Variants in SLCO3A1 observed in about 807,000 individuals in gnomAD.
SLCO3A1 encodes the protein PGE1 transporter.
A neutral mutation model predicts 63.1 loss-of-function variants in SLCO3A1; 27 were observed. The ratio of observed to expected loss-of-function variants is 0.43; its 90% CI spans 0.32 to 0.59. The LOEUF (loss-of-function observed/expected upper bound fraction) is 0.59, where lower values mean the gene tolerates loss of function less well. Among genes scored for constraint, SLCO3A1 ranks in the 20% least tolerant of loss-of-function variants. The pLI, the probability that SLCO3A1 is intolerant of heterozygous loss-of-function variation, is 0.09. For synonymous variants in SLCO3A1, 473 were observed against 409.9 expected (o/e 1.15, Z -1.86); for missense variants, 773 against 945.8 (o/e 0.82, Z 2.40).
At chr15:91,868,888 CA>C (rs1404880575) in intron 1 of SLCO3A1, among the ~76,000 whole-genome samples, 1 of 152,170 alleles carries the variant, frequency 6.6e-6, no homozygotes, top group African/African-American at 2.4e-5. Flanking sequence ...TTTTCTGTAA[CA>C]TCAGATGTTC....
intron 2 of SLCO3A1, among the ~76,000 whole-genome samples, chr15:92,070,151 G>A (rs905650987): frequency 1.2e-4 from 19 of 152,280 alleles, no homozygotes; most frequent in Admixed American, 1.0e-3. Flanking sequence ...AATCACTCAC[G>A]CTCTCTGAGC....
At chr15:91,858,143 C>T (rs1462445481) in intron 1 of SLCO3A1, among the ~76,000 whole-genome samples, 2 of 151,780 alleles carry the variant, frequency 1.3e-5, no homozygotes, top group Non-Finnish European at 2.9e-5. Flanking sequence ...AACATCATTT[C>T]GAAGATGAGT....
chr15:91,978,856 A>C (rs1028364596), intron 2 of SLCO3A1, among the ~76,000 whole-genome samples: 1 of 152,256 alleles, frequency 6.6e-6, no homozygotes, highest in African/African-American at 2.4e-5. Flanking sequence ...CCACGGGCCA[A>C]ATCCTATTGA....
In SLCO3A1 at chr15:92,164,992, G is replaced by C. The variant is rs368682595; in HGVS notation, c.*1857G>C. The C allele has an allele frequency of 1.4e-5, 14 of 985,176 alleles. No homozygotes were observed. In the East Asian group the frequency reaches 4.5e-4, roughly 32 times the overall value. 61.0% of individuals were successfully genotyped at this position (985,176 alleles called of 1,614,324 possible). On this transcript the variant is annotated 3_prime_UTR_variant, in exon 10 of 10. Transcript: ENST00000318445. Reference sequence around the variant, plus strand: ...GTTGATTGGTTTGCTTTTTCACCTTGGACACATTTGCATTTTACCCACAAG... The same window carrying C: ...GTTGATTGGTTTGCTTTTTCACCTTCGACACATTTGCATTTTACCCACAAG...
intron 2 of SLCO3A1, among the ~76,000 whole-genome samples, chr15:92,023,147 G>T (rs2046530992): frequency 6.6e-6 from 1 of 152,170 alleles, no homozygotes; most frequent in Non-Finnish European, 1.5e-5. Flanking sequence ...TGGCAGAAGG[G>T]CTTGGCACTA....
At chr15:91,996,716 G>C (rs371652964) in intron 2 of SLCO3A1, among the ~76,000 whole-genome samples, 1 of 152,082 alleles carries the variant, frequency 6.6e-6, no homozygotes, top group South Asian at 2.1e-4. Flanking sequence ...AGCTAAATGA[G>C]AGCAACAACA....
chr15:92,109,774 G>A (rs1233296286), intron 4 of SLCO3A1, among the ~76,000 whole-genome samples: 1 of 151,954 alleles, frequency 6.6e-6, no homozygotes, highest in Non-Finnish European at 1.5e-5. Context: ...CTCTGGCGTC[G>A]ACCTCCCATT....
intron 2 of SLCO3A1, among the ~76,000 whole-genome samples, chr15:91,938,419 G>A (rs534902197): frequency 6.6e-6 from 1 of 151,738 alleles, no homozygotes; most frequent in Non-Finnish European, 1.5e-5. Context: ...GCAGCTGTGT[G>A]TAGGATGGAT....
At chr15:91,930,776 A>G (rs1899197697) in intron 2 of SLCO3A1, among the ~76,000 whole-genome samples, 1 of 151,564 alleles carries the variant, frequency 6.6e-6, no homozygotes, top group Non-Finnish European at 1.5e-5. Flanking sequence ...TTCTTGACAT[A>G]TATTATCTGG....
intron 7 of SLCO3A1, among the ~76,000 whole-genome samples, chr15:92,140,533 TG>T (rs1395751968): frequency 6.6e-6 from 1 of 152,130 alleles, no homozygotes; most frequent in African/African-American, 2.4e-5. Context: ...TGGGTATCCT[TG>T]TTGACTTTCT....
At chr15:91,889,159 C>A (rs1288423500) in intron 1 of SLCO3A1, 4 of 1,286,402 alleles carry the variant, frequency 3.1e-6, no homozygotes, top group Non-Finnish European at 4.1e-6. Context: ...TCTTATTGTT[C>A]CTTGACTGAT....
chr15:92,133,618 G>A (rs1395059738), intron 7 of SLCO3A1, among the ~76,000 whole-genome samples: 2 of 144,980 alleles, frequency 1.4e-5, no homozygotes, highest in Admixed American at 1.4e-4. Context: ...TGTGAACTGC[G>A]CACGCGAGGG....
chr15:92,171,599 C>T, intron 10 of SLCO3A1: 1 of 553,700 alleles, frequency 1.8e-6, no homozygotes, highest in South Asian at 2.6e-5. Context: ...TCTCTGGGCT[C>T]AGAGTCTGGT....
intron 2 of SLCO3A1, among the ~76,000 whole-genome samples, chr15:91,956,451 T>A (rs1298194979): frequency 6.6e-6 from 1 of 151,970 alleles, no homozygotes; most frequent in African/African-American, 2.4e-5. Flanking sequence ...GTGAGTGGAG[T>A]AAGCGGAATT....
intron 10 of SLCO3A1, chr15:92,171,089 C>T (rs1251408689): frequency 6.6e-6 from 1 of 152,176 alleles, no homozygotes; most frequent in African/African-American, 2.4e-5. Flanking sequence ...CTAAAGAGGA[C>T]AAATAAATAG....
rs145423669 is a variant in SLCO3A1 at position 92,130,166 on chromosome 15, A to G, written c.1512+1677A>G. 6.4e-4 allele frequency among the ~76,000 whole-genome samples: 97 copies of G among 152,370 alleles called. 1 individual carries two copies. The highest frequency in any genetic ancestry group is 2.2e-3 in the African/African-American group (92 of 41,598). ...AGGGAATGCACTGACCAAAAAAATT[A>G]TCTTAAAAATTGCATTTCCCCTGAT... On this transcript the variant is annotated intron_variant, in intron 7 of 9. Coordinates refer to ENST00000318445, the MANE Select transcript of SLCO3A1 (RefSeq NM_013272.4).
chr15:91,869,467 C>T (rs1421279749), intron 1 of SLCO3A1, among the ~76,000 whole-genome samples: 4 of 150,904 alleles, frequency 2.7e-5, no homozygotes, highest in African/African-American at 4.9e-5. Context: ...ACCCAGGAGG[C>T]AGAGGTTGCA....
rs761793019 is a variant in SLCO3A1 at position 91,883,252 on chromosome 15, G to C, written c.180+29164G>C. ...ACATCAGGTGCCCAGGAGTCTTCCT[G>C]TGTGAAGTCAGCTTGTTTGGAGAGT... On this transcript the variant is annotated intron_variant, in intron 1 of 9. Transcript: ENST00000318445. The surrounding 1 kb of genome is among the most constrained non-coding windows in gnomAD (Gnocchi z 4.8). 4.6e-5 allele frequency among the ~76,000 whole-genome samples: 7 copies of C among 152,210 alleles called. No homozygotes were observed. The highest frequency in any genetic ancestry group is 8.8e-5 in the Non-Finnish European group (6 of 68,040).
intron 2 of SLCO3A1, among the ~76,000 whole-genome samples, chr15:92,088,592 A>G (rs1415359687): frequency 6.6e-6 from 1 of 152,212 alleles, no homozygotes; most frequent in Non-Finnish European, 1.5e-5. Flanking sequence ...CTACTGGGCT[A>G]CAATCAAGGT....
Sources: allele counts gnomAD v4.1 joint callset (sites outside exome capture counted in the v4.1 genomes callset), GRCh38; gene constraint gnomAD v4.1.1; non-coding constraint Gnocchi (gnomAD v3.1); transcripts MANE v1.5; gene names NCBI Gene and HGNC (gene_info 2026-07-23, HGNC 2026-07-21).